LHFPL6: variants seen among roughly 807,000 people sequenced by gnomAD.
The protein encoded by LHFPL6 is LHFPL tetraspan subfamily member 6.
LHFPL6 carries 9 observed loss-of-function variants against 20.6 expected under a neutral mutation model. The ratio of observed to expected loss-of-function variants is 0.44; its 90% CI spans 0.26 to 0.76. LHFPL6 has a LOEUF of 0.76. Ranked by LOEUF, LHFPL6 falls within the 30% of genes least tolerant of loss-of-function variation. The probability of loss-of-function intolerance (pLI) is 0.20; values close to 1 mark genes in which losing one functional copy is unlikely to be tolerated. For synonymous variants in LHFPL6, 105 were observed against 98.7 expected, an observed-to-expected ratio of 1.06 and a Z score of -0.38; for missense variants, 218 against 253.5, an observed-to-expected ratio of 0.86 and a Z score of 0.95.
chr13:39,510,043 C>A (rs904180395), intron 2 of LHFPL6, among the ~76,000 whole-genome samples: 1 of 152,200 alleles, frequency 6.6e-6, no homozygotes, highest in Non-Finnish European at 1.5e-5. Context: ...CAGAAACTCA[C>A]GGTGCTCAAA....
rs149221062 is a variant in LHFPL6, at chr13:39,373,228, G to A, written c.484+5200C>T. 1.8e-3 allele frequency among the ~76,000 whole-genome samples: 268 copies of A among 152,278 alleles called. 1 individual carries two copies. Among genetic ancestry groups the A allele is most frequent in the African/African-American group, 6.0e-3 (251 of 41,552 alleles). ...TGTTTCCATAAAACACAGGCTGGAC[G>A]TTCCTAGGGAAGGCCAGCTTCAGGG... On this transcript the variant is annotated intron_variant, in intron 3 of 3. Transcript: ENST00000379589.
intron 2 of LHFPL6, among the ~76,000 whole-genome samples, chr13:39,493,300 C>G (rs1158319297): frequency 8.1e-6 from 1 of 122,960 alleles, no homozygotes; most frequent in Non-Finnish European, 1.7e-5. Flanking sequence ...GAAACTCCAT[C>G]TCTACTAAAA....
intron 2 of LHFPL6, among the ~76,000 whole-genome samples, chr13:39,379,388 A>G (rs1870379882): frequency 6.6e-6 from 1 of 152,230 alleles, no homozygotes; most frequent in South Asian, 2.1e-4. Flanking sequence ...AACATCTGTG[A>G]GTACCACAAA....
chr13:39,581,532 CAAAAAA>C (rs71080316), intron 2 of LHFPL6, among the ~76,000 whole-genome samples: 1 of 106,454 alleles, frequency 9.4e-6, no homozygotes, highest in Non-Finnish European at 1.9e-5. Flanking sequence ...ATGCATGAGA[CAAAAAA>C]AAAAAAAAAG....
At chr13:39,431,483 C>T (rs1871801134) in intron 2 of LHFPL6, among the ~76,000 whole-genome samples, 2 of 152,158 alleles carry the variant, frequency 1.3e-5, no homozygotes, top group South Asian at 4.1e-4. Context: ...CAGCACATAC[C>T]TTTTGTCTGA....
At chr13:39,469,562 G>C (rs1007857860) in intron 2 of LHFPL6, among the ~76,000 whole-genome samples, 3 of 152,050 alleles carry the variant, frequency 2.0e-5, no homozygotes. Context: ...CACCTTGAGG[G>C]AAAACAAATG....
intron 2 of LHFPL6, among the ~76,000 whole-genome samples, chr13:39,519,470 A>T (rs137939610): frequency 6.6e-6 from 1 of 152,294 alleles, no homozygotes; most frequent in Non-Finnish European, 1.5e-5. Flanking sequence ...TAAAAACGTT[A>T]CACGCATTAG....
intron 2 of LHFPL6, among the ~76,000 whole-genome samples, chr13:39,560,538 G>A (rs779703785): frequency 9.9e-5 from 13 of 131,906 alleles, no homozygotes; most frequent in Admixed American, 2.5e-4. Context: ...TTTTTGAGAC[G>A]GCGTCTCCCT....
intron 3 of LHFPL6, among the ~76,000 whole-genome samples, chr13:39,347,223 A>G (rs565661234): frequency 1.3e-5 from 2 of 152,206 alleles, no homozygotes; most frequent in East Asian, 3.9e-4. Context: ...GGCCACACTG[A>G]CCACTTTTTC....
chr13:39,470,499 T>C (rs1464774510), intron 2 of LHFPL6, among the ~76,000 whole-genome samples: 1 of 152,162 alleles, frequency 6.6e-6, no homozygotes, highest in African/African-American at 2.4e-5. Flanking sequence ...GACAAAAAAT[T>C]TAAGAAGTCA....
At chr13:39,529,748 T>A (rs1017243928) in intron 2 of LHFPL6, among the ~76,000 whole-genome samples, 3 of 152,202 alleles carry the variant, frequency 2.0e-5, no homozygotes, top group Non-Finnish European at 4.4e-5. Context: ...CTATTCTACT[T>A]GCACTTTTGC....
chr13:39,562,483 T>TATACAC (rs1871540227), intron 2 of LHFPL6, among the ~76,000 whole-genome samples: 6 of 122,550 alleles, frequency 4.9e-5, no homozygotes, highest in South Asian at 5.6e-4. Context: ...CACATATACA[T>TATACAC]ATATACACAT....
Position 39,391,441 on chromosome 13 carries a change from A to G in LHFPL6, c.386-12915T>C, listed in dbSNP as rs558177006. ...TCAGTTAAGAAGGAATAAAATCCAT[A>G]TCATAGAGCTCTATGTTGTAAGGAT... On this transcript the variant is annotated intron_variant, in intron 2 of 3. Coordinates refer to ENST00000379589, the MANE Select transcript of LHFPL6 (RefSeq NM_005780.3). Among the ~76,000 whole-genome samples, 48 of 152,174 alleles carry G rather than the reference A, an allele frequency of 3.2e-4. 1 individual carries two copies. Among genetic ancestry groups the G allele is most frequent in the Non-Finnish European group, 6.9e-4 (47 of 68,030 alleles).
intron 2 of LHFPL6, among the ~76,000 whole-genome samples, chr13:39,571,279 T>C (rs1871905694): frequency 6.6e-6 from 1 of 152,228 alleles, no homozygotes; most frequent in African/African-American, 2.4e-5. Context: ...AGAACTTGTC[T>C]TCCTGTTCGA....
Position 39,580,900 on chromosome 13 carries a change from C to T in LHFPL6, c.385+19932G>A, listed in dbSNP as rs75995492. The stretch of plus-strand genomic sequence containing the variant: ...AGATCCTCTGTTCATTTGCTTTGCA[C>T]GACAACACATGGCCATAGAGTAATG... On this transcript the variant is annotated intron_variant, in intron 2 of 3. Coordinates refer to ENST00000379589, the MANE Select transcript of LHFPL6 (RefSeq NM_005780.3). Among the ~76,000 whole-genome samples the T allele has an allele frequency of 6.7e-4, 102 of 152,234 alleles. No homozygotes were observed. The East Asian group carries it at 0.013, about 20-fold the overall frequency.
At chr13:39,501,388 A>G (rs928204041) in intron 2 of LHFPL6, among the ~76,000 whole-genome samples, 1 of 151,582 alleles carries the variant, frequency 6.6e-6, no homozygotes, top group Non-Finnish European at 1.5e-5. Flanking sequence ...ACAGCCCAGA[A>G]TTTTTTTTTA....
chr13:39,474,118 GC>G (rs1463312941), intron 2 of LHFPL6, among the ~76,000 whole-genome samples: 1 of 152,118 alleles, frequency 6.6e-6, no homozygotes, highest in Non-Finnish European at 1.5e-5. Context: ...CTGACACAAA[GC>G]CTCTGCTAAC....
At chr13:39,587,894 TAGG>T (rs1462070646) in intron 2 of LHFPL6, among the ~76,000 whole-genome samples, 1 of 151,934 alleles carries the variant, frequency 6.6e-6, no homozygotes, top group African/African-American at 2.4e-5. Flanking sequence ...CAGGGCTTTC[TAGG>T]AGGAGGAACC....
intron 2 of LHFPL6, among the ~76,000 whole-genome samples, chr13:39,432,892 AT>A (rs1449214449): frequency 5.9e-5 from 9 of 152,210 alleles, no homozygotes; most frequent in African/African-American, 1.9e-4. Context: ...ATGACTAAAC[AT>A]TTTTGTTATA....
Sources: gnomAD v4.1 joint callset for allele counts (sites outside exome capture counted in the v4.1 genomes callset) on GRCh38, gnomAD v4.1.1 for gene constraint, MANE v1.5 for transcripts, NCBI Gene and HGNC (gene_info 2026-07-23, HGNC 2026-07-21) for gene names.